Variants in ERO1A observed in about 807,000 individuals in gnomAD.
The protein encoded by ERO1A is endoplasmic reticulum oxidoreductase 1 alpha, also known as ERO1-like protein alpha.
In ERO1A, 49 loss-of-function variants were observed where a neutral mutation model predicts 76.9. That is an observed-to-expected ratio of 0.64 (90% CI 0.51 to 0.81). The LOEUF (loss-of-function observed/expected upper bound fraction) is 0.81. Among genes scored for constraint, ERO1A ranks in the 30% least tolerant of loss-of-function variants. The pLI, the probability that ERO1A is intolerant of heterozygous loss-of-function variation, is 0.00. For synonymous variants in ERO1A, 174 were observed against 181.2 expected (o/e 0.96, Z 0.32); for missense variants, 448 against 542.1 (o/e 0.83, Z 1.72).
At chr14:52,662,835 G>C (rs1265507661) in intron 8 of ERO1A, among the ~76,000 whole-genome samples, 1 of 152,150 alleles carries the variant, frequency 6.6e-6, no homozygotes, top group Admixed American at 6.6e-5. Context: ...TATGTGTCAG[G>C]CTCTATATAG....
chr14:52,691,087 G>C (rs546415776), intron 1 of ERO1A, among the ~76,000 whole-genome samples: 1 of 152,288 alleles, frequency 6.6e-6, no homozygotes, highest in South Asian at 2.1e-4. Context: ...ATTTTTATGT[G>C]TCAATAAAGG....
At chr14:52,664,743 G>A (rs901214562) in intron 7 of ERO1A, among the ~76,000 whole-genome samples, 2 of 120,358 alleles carry the variant, frequency 1.7e-5, no homozygotes, top group South Asian at 3.2e-4. Context: ...CCAGGCTGGA[G>A]TGCAGTGGTG....
At chr14:52,659,158 C>T (rs2040148345) in intron 9 of ERO1A, among the ~76,000 whole-genome samples, 1 of 151,858 alleles carries the variant, frequency 6.6e-6, no homozygotes, top group South Asian at 2.1e-4. Context: ...ATATAAAAAG[C>T]TCATAAACTA....
In ERO1A at chr14:52,646,384, T is replaced by C; in HGVS notation, c.1203A>G (p.Gly401=). 1 of 1,612,738 alleles carries C rather than the reference T, an allele frequency of 6.2e-7. No individual in the cohort carries two copies. The highest frequency in any genetic ancestry group is 2.2e-5 in the East Asian group (1 of 44,846). ...CVGCFKCRLW[G]KLQTQGLGTA... is the part of the protein sequence containing the mutation. ...GACTAAATTTGCTTACCTGAAGCTT[T>C]CCCCACAGACGACATTTAAAACAAC... The change falls in exon 14 of 16, where the codon GGA becomes GGG. Residue 401 remains glycine, a synonymous_variant. Coordinates refer to ENST00000395686, the MANE Select transcript of ERO1A (RefSeq NM_014584.3).
At chr14:52,665,827 T>C (rs74491452) in intron 7 of ERO1A, among the ~76,000 whole-genome samples, 18,020 of 152,200 alleles carry the variant, frequency 0.12, 1,182 homozygotes, top group East Asian at 0.21. Flanking sequence ...TCTCTGTCTA[T>C]AATACAGTGA....
At chr14:52,670,475 G>A (rs1177158864) in intron 6 of ERO1A, among the ~76,000 whole-genome samples, 1 of 152,156 alleles carries the variant, frequency 6.6e-6, no homozygotes, top group Admixed American at 6.5e-5. Context: ...TGCCTCCTGG[G>A]TTCAAGTGAT....
At chr14:52,682,560 A>G (rs1441615770) in intron 2 of ERO1A, 152 bp from the exon 3 acceptor site, 2 of 602,812 alleles carry the variant, frequency 3.3e-6, no homozygotes, top group East Asian at 5.7e-5. Context: ...TAACAACTGC[A>G]TAAATGTGAG....
chr14:52,668,439 G>A (rs891604029), intron 6 of ERO1A, among the ~76,000 whole-genome samples: 1 of 152,018 alleles, frequency 6.6e-6, no homozygotes, highest in Non-Finnish European at 1.5e-5. Context: ...CAGCTACTCG[G>A]GAGGCTGAGG....
chr14:52,669,712 A>C (rs930294026), intron 6 of ERO1A, among the ~76,000 whole-genome samples: 1 of 134,982 alleles, frequency 7.4e-6, no homozygotes, highest in Non-Finnish European at 1.6e-5. Context: ...CAGGGGGAGA[A>C]ATGTTCAGTT....
chr14:52,689,992 C>T (rs925805805), intron 1 of ERO1A, among the ~76,000 whole-genome samples: 3 of 152,114 alleles, frequency 2.0e-5, no homozygotes, highest in African/African-American at 7.2e-5. Context: ...GTCTGGCCAA[C>T]TAATCTTTGA....
intron 13 of ERO1A, among the ~76,000 whole-genome samples, chr14:52,649,783 G>C (rs1208056701): frequency 6.6e-6 from 1 of 152,162 alleles, no homozygotes; most frequent in Non-Finnish European, 1.5e-5. Flanking sequence ...TTTGTAGCAA[G>C]AATGCTTCAA....
At chr14:52,691,062 C>A (rs981315860) in intron 1 of ERO1A, among the ~76,000 whole-genome samples, 3 of 152,194 alleles carry the variant, frequency 2.0e-5, no homozygotes, top group African/African-American at 7.2e-5. Context: ...CCACCACACC[C>A]AGCCAATATA....
At chr14:52,651,536 T>C (rs993123175) in intron 13 of ERO1A, among the ~76,000 whole-genome samples, 9 of 150,184 alleles carry the variant, frequency 6.0e-5, no homozygotes, top group Admixed American at 4.0e-4. Flanking sequence ...TAATGCAAAA[T>C]AGACTTTAAG....
chr14:52,691,259 A>G (rs537380365), intron 1 of ERO1A, among the ~76,000 whole-genome samples: 1 of 152,364 alleles, frequency 6.6e-6, no homozygotes, highest in Non-Finnish European at 1.5e-5. Flanking sequence ...TGTCAATGGA[A>G]GCAGGGAAAT....
At chr14:52,650,771 CATA>C (rs2039833981) in intron 13 of ERO1A, among the ~76,000 whole-genome samples, 1 of 152,106 alleles carries the variant, frequency 6.6e-6, no homozygotes, top group Non-Finnish European at 1.5e-5. Context: ...GTGCTGTGCA[CATA>C]ATGAGTGTGT....
chr14:52,678,196 G>A (rs978250227), intron 4 of ERO1A: 1 of 306,680 alleles, frequency 3.3e-6, no homozygotes, highest in Non-Finnish European at 5.9e-6. Flanking sequence ...CCGGGGAGGC[G>A]GAGGTTGCAG....
intron 6 of ERO1A, among the ~76,000 whole-genome samples, chr14:52,669,408 TAAA>T (rs111416921): frequency 1.3e-5 from 2 of 149,932 alleles, no homozygotes; most frequent in Middle Eastern, 3.4e-3. Context: ...ATATTTAAGG[TAAA>T]AAAAAAATCC....
At chr14:52,683,072 G>T (rs1385078558) in intron 2 of ERO1A, among the ~76,000 whole-genome samples, 1 of 152,144 alleles carries the variant, frequency 6.6e-6, no homozygotes, top group African/African-American at 2.4e-5. Context: ...GCCAGGTGTG[G>T]TGGCAGGTGC....
Position 52,671,789 on chromosome 14 carries a change from T to G in ERO1A, c.434+6A>C. 1 of 1,602,232 alleles carries G rather than the reference T, an allele frequency of 6.2e-7. No homozygotes were observed. Among genetic ancestry groups the G allele is most frequent in the Non-Finnish European group, 8.5e-7 (1 of 1,174,046 alleles). On this transcript the variant is annotated splice_donor_region_variant and intron_variant, in intron 5 of 15. Coordinates refer to ENST00000395686, the MANE Select transcript of ERO1A (RefSeq NM_014584.3). Reference sequence around the variant, plus strand: ...CATGAAATACTGCTGAAAAATAAAATCAAACCTCAGAGATTCATCCACTGC... The same window carrying G: ...CATGAAATACTGCTGAAAAATAAAAGCAAACCTCAGAGATTCATCCACTGC...
Sources: gnomAD v4.1 joint callset for allele counts (sites outside exome capture counted in the v4.1 genomes callset) on GRCh38, gnomAD v4.1.1 for gene constraint, MANE v1.5 for transcripts, NCBI Gene and HGNC (gene_info 2026-07-23, HGNC 2026-07-21) for gene names.